The following RANBP2 variants were observed in gnomAD, a reference collection of about 807,000 sequenced individuals.
The protein encoded by RANBP2 is E3 SUMO-protein ligase RanBP2.
In RANBP2, 57 loss-of-function variants were observed where a neutral mutation model predicts 303.6. The ratio of observed to expected loss-of-function variants is 0.19; its 90% CI spans 0.15 to 0.23. RANBP2 has a LOEUF of 0.23. RANBP2 is among the 10% of genes least tolerant of loss of function. RANBP2 has a pLI of 1.00. For missense variants in RANBP2, 3,138 were observed against 3,780.8 expected (o/e 0.83, Z 4.46); for synonymous variants, 1,167 against 1,301.5 (o/e 0.90, Z 2.23).
chr2:109,515,886 C>A, the RANBP2 span, among the ~76,000 whole-genome samples: 2 of 152,146 alleles, frequency 1.3e-5, no homozygotes, highest in East Asian at 1.9e-4. Flanking sequence ...ACGCACCAAG[C>A]CATTCCTGAG....
chr2:109,529,926 C>T, the RANBP2 span, among the ~76,000 whole-genome samples: 1 of 152,230 alleles, frequency 6.6e-6, no homozygotes, highest in Non-Finnish European at 1.5e-5. Context: ...TAGAATGAGT[C>T]TCATGTGCTA....
chr2:109,261,037 A>AAGGAG, the RANBP2 span, among the ~76,000 whole-genome samples: 1 of 152,122 alleles, frequency 6.6e-6, no homozygotes, highest in Non-Finnish European at 1.5e-5. Flanking sequence ...TGTCTGCAGG[A>AAGGAG]AGGAGGTCAG....
the RANBP2 span, among the ~76,000 whole-genome samples, chr2:108,822,796 A>C: frequency 1.3e-5 from 2 of 151,970 alleles, no homozygotes; most frequent in Non-Finnish European, 1.5e-5. Flanking sequence ...TTAAGAGGGA[A>C]GTTTGTAGCT....
chr2:109,381,866 G>A, the RANBP2 span, among the ~76,000 whole-genome samples: 7 of 152,094 alleles, frequency 4.6e-5, no homozygotes, highest in Admixed American at 4.6e-4. Context: ...AGCTGTGCAT[G>A]TTTATAAGGG....
chr2:108,788,063 A>G (rs764035016), downstream of RANBP2: 10 of 1,597,908 alleles, frequency 6.3e-6, no homozygotes, highest in East Asian at 2.2e-5. Context: ...CAGTCTAAGT[A>G]TAAGAGAAGA....
At chr2:109,051,937 AC>A in the RANBP2 span, among the ~76,000 whole-genome samples, 1 of 151,988 alleles carries the variant, frequency 6.6e-6, no homozygotes, top group South Asian at 2.1e-4. Context: ...TTTAGTAGAG[AC>A]CGGGTTTCAC....
chr2:109,308,039 A>G, the RANBP2 span, among the ~76,000 whole-genome samples: 1 of 147,052 alleles, frequency 6.8e-6, no homozygotes, highest in Non-Finnish European at 1.5e-5. Context: ...CAGTCCCACC[A>G]ACAGTGTAAA....
chr2:108,803,889 T>G, the RANBP2 span, among the ~76,000 whole-genome samples: 1 of 152,202 alleles, frequency 6.6e-6, no homozygotes, highest in Non-Finnish European at 1.5e-5. Context: ...CTTTTAGATA[T>G]GGAAAAAGTT....
the RANBP2 span, chr2:108,897,326 A>C: frequency 2.4e-6 from 3 of 1,266,230 alleles, no homozygotes; most frequent in African/African-American, 4.5e-5. Context: ...ATTATTTGAA[A>C]AAAATTTTTT....
At chr2:109,736,626 C>T in the RANBP2 span, among the ~76,000 whole-genome samples, 2 of 152,026 alleles carry the variant, frequency 1.3e-5, no homozygotes, top group South Asian at 2.1e-4. Context: ...GATTAGTAGA[C>T]GTGATTGTGC....
chr2:109,628,142 C>T, the RANBP2 span, among the ~76,000 whole-genome samples: 2 of 152,064 alleles, frequency 1.3e-5, no homozygotes, highest in Admixed American at 6.6e-5. Context: ...CTGCAGCCAC[C>T]CTCCATCATG....
chr2:109,142,380 C>A, the RANBP2 span, among the ~76,000 whole-genome samples: 290 of 152,306 alleles, frequency 1.9e-3, 1 homozygote, highest in African/African-American at 6.6e-3. Flanking sequence ...TTTAATAGGA[C>A]CCCAAAGCAC....
the RANBP2 span, among the ~76,000 whole-genome samples, chr2:109,378,050 G>C: frequency 6.6e-6 from 1 of 152,192 alleles, no homozygotes; most frequent in Non-Finnish European, 1.5e-5. Context: ...GTGGGTTTTC[G>C]GCCCTTGCCT....
chr2:108,929,617 G>C, the RANBP2 span, among the ~76,000 whole-genome samples: 3,799 of 152,262 alleles, frequency 0.025, 96 homozygotes, highest in African/African-American at 0.06. Flanking sequence ...GAGCCTCCCC[G>C]AGATGAATTC....
chr2:109,404,712 C>T, the RANBP2 span, among the ~76,000 whole-genome samples: 2 of 152,130 alleles, frequency 1.3e-5, no homozygotes, highest in Non-Finnish European at 2.9e-5. Flanking sequence ...GGCCCATTCT[C>T]ATTCTTCTCT....
At chr2:108,997,647 T>C in the RANBP2 span, among the ~76,000 whole-genome samples, 2 of 151,856 alleles carry the variant, frequency 1.3e-5, no homozygotes, top group East Asian at 1.9e-4. Flanking sequence ...ATCCCAGTAC[T>C]GTGAGAGGCC....
At chr2:109,328,171 G>A in the RANBP2 span, among the ~76,000 whole-genome samples, 1 of 152,214 alleles carries the variant, frequency 6.6e-6, no homozygotes, top group Admixed American at 6.5e-5. Context: ...ATTAACAGTA[G>A]TTGCCTGATA....
chr2:109,059,450 C>T, the RANBP2 span, among the ~76,000 whole-genome samples: 4,741 of 152,138 alleles, frequency 0.031, 238 homozygotes, highest in African/African-American at 0.11. Context: ...CGGTGGGTGC[C>T]TGTAGTCCCA....
the RANBP2 span, among the ~76,000 whole-genome samples, chr2:109,229,315 T>A: frequency 1.3e-5 from 2 of 152,256 alleles, no homozygotes; most frequent in African/African-American, 4.8e-5. Flanking sequence ...CCTCTGTTGT[T>A]AACACCTTAC....
Sources: allele counts gnomAD v4.1 joint callset (sites outside exome capture counted in the v4.1 genomes callset), GRCh38; gene constraint gnomAD v4.1.1; transcripts MANE v1.5; gene names NCBI Gene and HGNC (gene_info 2026-07-23, HGNC 2026-07-21).